Variants in NRXN3 observed in about 807,000 individuals in gnomAD.
NRXN3 encodes neurexin III.
NRXN3 carries 32 observed loss-of-function variants against 137.6 expected under a neutral mutation model. The ratio of observed to expected loss-of-function variants is 0.23; its 90% CI spans 0.18 to 0.31. The LOEUF is 0.31. Ranked by LOEUF, NRXN3 falls within the 10% of genes least tolerant of loss-of-function variation. The pLI is 1.00. For missense variants in NRXN3, 1,574 were observed against 2,062.5 expected, an observed-to-expected ratio of 0.76 and a Z score of 4.59; for synonymous variants, 798 against 784.5, an observed-to-expected ratio of 1.02 and a Z score of -0.29.
intron 8 of NRXN3, among the ~76,000 whole-genome samples, chr14:78,740,544 C>CTTTT (rs11389703): frequency 7.0e-6 from 1 of 142,142 alleles, no homozygotes; most frequent in Admixed American, 7.0e-5. Flanking sequence ...CTTTTCTTTT[C>CTTTT]TTTTTTTTTT....
intron 16 of NRXN3, among the ~76,000 whole-genome samples, chr14:79,581,453 C>T (rs955953605): frequency 1.3e-5 from 2 of 152,192 alleles, no homozygotes; most frequent in African/African-American, 2.4e-5. Context: ...TTCCAACCAA[C>T]ACATCAACTC....
Position 78,803,584 on chromosome 14 carries a change from G to A in NRXN3, c.2045-36G>A, listed in dbSNP as rs548101730. 95 of 1,601,398 alleles carry A rather than the reference G, an allele frequency of 5.9e-5. 2 individuals are homozygous for A. In the South Asian group the frequency reaches 8.9e-4, roughly 15 times the overall value. On this transcript the variant is annotated intron_variant, in intron 8 of 20. Coordinates refer to ENST00000335750, the MANE Select transcript of NRXN3 (RefSeq NM_001330195.2). ...GGGGTATTTGGCAACTGTGACATCC[G>A]TCATCCTAACGATCTTCTCCATTCT...
At chr14:78,555,375 C>T (rs1469822197) in intron 4 of NRXN3, among the ~76,000 whole-genome samples, 1 of 152,152 alleles carries the variant, frequency 6.6e-6, no homozygotes, top group Admixed American at 6.5e-5. Flanking sequence ...TTTACAACTA[C>T]AGAGGAATAG....
At chr14:79,833,583 C>T (rs535995258) in intron 20 of NRXN3, among the ~76,000 whole-genome samples, 1 of 151,758 alleles carries the variant, frequency 6.6e-6, no homozygotes, top group South Asian at 2.1e-4. Flanking sequence ...AGCATGCAGC[C>T]TTCATCAGAT....
intron 15 of NRXN3, among the ~76,000 whole-genome samples, chr14:79,439,071 G>T (rs148613415): frequency 6.6e-6 from 1 of 152,280 alleles, no homozygotes; most frequent in Non-Finnish European, 1.5e-5. Context: ...ATGCATTCTG[G>T]CTCCTTTTGT....
At chr14:78,747,851 G>C (rs975714236) in intron 8 of NRXN3, among the ~76,000 whole-genome samples, 2 of 152,092 alleles carry the variant, frequency 1.3e-5, no homozygotes, top group Non-Finnish European at 2.9e-5. Flanking sequence ...ATCCATTTCT[G>C]TCTCTTCTCC....
At chr14:79,621,509 G>C (rs1198394622) in intron 16 of NRXN3, among the ~76,000 whole-genome samples, 1 of 152,190 alleles carries the variant, frequency 6.6e-6, no homozygotes, top group Non-Finnish European at 1.5e-5. Flanking sequence ...TCTTAGACTT[G>C]TGCAATTTGC....
intron 8 of NRXN3, among the ~76,000 whole-genome samples, chr14:78,739,218 T>G (rs998784698): frequency 1.3e-5 from 2 of 152,250 alleles, no homozygotes; most frequent in African/African-American, 4.8e-5. Context: ...TCTTCCTACA[T>G]ATCAAGAAGT....
intron 10 of NRXN3, among the ~76,000 whole-genome samples, chr14:78,950,285 C>T (rs2099384557): frequency 6.6e-6 from 1 of 152,148 alleles, no homozygotes. Flanking sequence ...CTTACCACTG[C>T]TGAGCACTGC....
At chr14:78,470,985 A>C (rs2095254087) in intron 4 of NRXN3, among the ~76,000 whole-genome samples, 1 of 152,106 alleles carries the variant, frequency 6.6e-6, no homozygotes, top group Admixed American at 6.5e-5. Flanking sequence ...ATTTTCTGCC[A>C]ATCCTAATCT....
chr14:78,652,545 T>G (rs530496507), intron 6 of NRXN3, among the ~76,000 whole-genome samples: 18 of 152,360 alleles, frequency 1.2e-4, no homozygotes, highest in African/African-American at 4.1e-4. Context: ...AAGCAAACAG[T>G]GTTCCTTCTT....
At chr14:79,220,140 G>A (rs1014734246) in intron 15 of NRXN3, among the ~76,000 whole-genome samples, 9 of 152,162 alleles carry the variant, frequency 5.9e-5, no homozygotes, top group African/African-American at 1.9e-4. Context: ...TTTCACATCT[G>A]TAAACTGAGA....
intron 15 of NRXN3, among the ~76,000 whole-genome samples, chr14:79,052,653 G>T (rs74587267): frequency 0.016 from 2,438 of 152,272 alleles, 53 homozygotes; most frequent in African/African-American, 0.055. Flanking sequence ...GAAACAAAGA[G>T]AATGCATTCT....
At position 79,340,414 on chromosome 14, in the gene NRXN3, G is replaced by T. The variant is rs149504706; in HGVS notation, c.3263-126807G>T. ...TATGCCAGTTAATAAAGTGTTTTGA[G>T]AACATTGAAAGGTGCTAATAAAATT... On this transcript the variant is annotated intron_variant, in intron 15 of 20. Transcript: ENST00000335750. 7.7e-3 allele frequency among the ~76,000 whole-genome samples: 1,170 copies of T among 152,260 alleles called. 16 individuals are homozygous for T. Among genetic ancestry groups the T allele is most frequent in the Admixed American group, 0.012 (176 of 15,286 alleles).
chr14:79,799,157 GTTA>G (rs1242668321), intron 19 of NRXN3, among the ~76,000 whole-genome samples: 1 of 152,156 alleles, frequency 6.6e-6, no homozygotes, highest in Non-Finnish European at 1.5e-5. Context: ...TTTATTGAAA[GTTA>G]TTATAATACC....
chr14:79,307,187 A>G (rs768730297), intron 15 of NRXN3, among the ~76,000 whole-genome samples: 26 of 152,036 alleles, frequency 1.7e-4, no homozygotes, highest in Non-Finnish European at 3.5e-4. Context: ...CTACTATCCT[A>G]ATTTCCTCAT....
At chr14:78,840,423 T>G (rs1339824410) in intron 10 of NRXN3, among the ~76,000 whole-genome samples, 1 of 152,202 alleles carries the variant, frequency 6.6e-6, no homozygotes, top group Non-Finnish European at 1.5e-5. Flanking sequence ...AGCATTTATA[T>G]TACTTAGAAG....
At chr14:79,782,920 G>T (rs2099118374) in intron 19 of NRXN3, among the ~76,000 whole-genome samples, 1 of 151,986 alleles carries the variant, frequency 6.6e-6, no homozygotes, top group Non-Finnish European at 1.5e-5. Flanking sequence ...ATAGCACCTG[G>T]ATTCAGGAAT....
intron 19 of NRXN3, among the ~76,000 whole-genome samples, chr14:79,761,554 G>A (rs899561263): frequency 4.6e-5 from 7 of 151,038 alleles, no homozygotes; most frequent in African/African-American, 9.9e-5. Context: ...TTAGCTGGGC[G>A]TGGTGGCAGG....
Sources: gnomAD v4.1 joint callset for allele counts (sites outside exome capture counted in the v4.1 genomes callset) on GRCh38, gnomAD v4.1.1 for gene constraint, MANE v1.5 for transcripts, NCBI Gene and HGNC (gene_info 2026-07-23, HGNC 2026-07-21) for gene names.